GPX5: variants seen among roughly 807,000 people sequenced by gnomAD.
GPX5 encodes epididymal secretory glutathione peroxidase.
In GPX5, 20 loss-of-function variants were observed where a neutral mutation model predicts 23.8. The observed-to-expected ratio is 0.84, with a 90% CI of 0.59 to 1.22. The LOEUF (loss-of-function observed/expected upper bound fraction) is 1.22, where lower values mean the gene tolerates loss of function less well. GPX5 is among the 50% of genes most tolerant of loss of function. The probability of loss-of-function intolerance (pLI) is 0.00; values close to 1 mark genes in which losing one functional copy is unlikely to be tolerated. For synonymous variants in GPX5, 92 were observed against 99.5 expected (o/e 0.92, Z 0.45); for missense variants, 230 against 266.6 (o/e 0.86, Z 0.96).
chr6:28,528,850 T>C (rs1562009116), intron 1 of GPX5, among the ~76,000 whole-genome samples: 1 of 14,014 alleles, frequency 7.1e-5, no homozygotes, highest in Non-Finnish European at 1.2e-4. Flanking sequence ...TATATATATA[T>C]ATATATATAT....
chr6:28,526,400 G>A (rs1307872180), intron 1 of GPX5, among the ~76,000 whole-genome samples: 3 of 152,202 alleles, frequency 2.0e-5, no homozygotes, highest in Non-Finnish European at 4.4e-5. Flanking sequence ...CTTCAGAGCT[G>A]GGTCTGAGGC....
At chr6:28,531,470 C>T (rs1283920395) in intron 2 of GPX5, among the ~76,000 whole-genome samples, 1 of 151,398 alleles carries the variant, frequency 6.6e-6, no homozygotes, top group Non-Finnish European at 1.5e-5. Context: ...GACTAAGCCC[C>T]ATTTCAGAGG....
rs1250925955 is a variant in GPX5 at position 28,532,420 on chromosome 6, G to A, written c.459G>A (p.Lys153=). Residue 153 remains lysine (K), a splice_region_variant and synonymous_variant, in exon 4 of 5, where the codon AAG becomes AAA. Transcript: ENST00000412168. ...EKEQKVFSFL[K]HSCPHPSEIL... is the part of the protein sequence containing the mutation. ...AACAGAAAGTCTTCAGTTTCTTGAA[G>A]GTGAGTAAATTCCTGGCATAAGCCT... 6.4e-7 allele frequency: 1 copy of A among 1,566,270 alleles called. No individual in the cohort carries two copies. The highest frequency in any genetic ancestry group is 8.7e-7 in the Non-Finnish European group (1 of 1,152,038).
intron 4 of GPX5, among the ~76,000 whole-genome samples, chr6:28,532,726 C>A (rs1451150643): frequency 6.6e-6 from 1 of 152,152 alleles, no homozygotes; most frequent in Non-Finnish European, 1.5e-5. Context: ...TGAATGCCCG[C>A]TACTTATAAA....
rs1051520400 is a variant in GPX5 at position 28,525,957 on chromosome 6, C to T, written c.-57C>T. The T allele has an allele frequency of 3.1e-6, 4 of 1,273,290 alleles. No individual in the cohort carries two copies. The African/African-American group carries it at 5.8e-5, about 19-fold the overall frequency. The allele number at this position is 1,273,290 out of a possible 1,614,324, so 78.9% of individuals were successfully genotyped here. A position where few individuals can be genotyped will look rare whatever the true frequency, so the allele number is the denominator to read the frequency against. ...AAGTCCCTGCCAAGATACCAAAAGA[C>T]TGCAGAGGTGGGCAAAGACCTCAGG... On this transcript the variant is annotated 5_prime_UTR_variant, in exon 1 of 5. Coordinates refer to ENST00000412168, the MANE Select transcript of GPX5 (RefSeq NM_001509.3).
rs1433825143 is a variant in GPX5, at chr6:28,529,597, A to G, written c.234A>G (p.Gln78=). The G allele has an allele frequency of 1.2e-5, 19 of 1,604,612 alleles. No homozygotes were observed. The African/African-American group carries it at 1.2e-4, about 10-fold the overall frequency. Residue 78 remains glutamine (Q), a synonymous_variant, in exon 2 of 5, where the codon CAA becomes CAG. Transcript: ENST00000412168. The part of the protein sequence containing the change: ...NVATYCGLTA[Q]YPELNALQEE... ...CCACCTACTGTGGTCTGACAGCGCA[A>G]TATCCTGGTAAGAGAATTCATAGTT...
At position 28,534,092 on chromosome 6, in the gene GPX5, C is replaced by T. The variant is rs140888955; in HGVS notation, c.591C>T (p.Arg197=). Residue 197 remains arginine (R), a synonymous_variant, in exon 5 of 5, where the codon CGC becomes CGT. Coordinates refer to ENST00000412168, the MANE Select transcript of GPX5 (RefSeq NM_001509.3). ...GGCCTGATGGAATCCCTGTCATGCG[C>T]TGGTCCCACCGGGCTACGGTCAGCT... The part of the protein sequence containing the change: ...LVGPDGIPVM[R]WSHRATVSSV... 1.7e-4 allele frequency: 279 copies of T among 1,612,258 alleles called. 1 individual carries two copies. The highest frequency in any genetic ancestry group is 5.3e-4 in the African/African-American group (40 of 74,896).
rs796114626 is a variant in GPX5 at position 28,528,841 on chromosome 6, A to G, written c.88-610A>G. ...TATATATATATATATATATATATATATATATATATATATATATATATATAT... is the reference window on the plus strand; with the variant it reads ...TATATATATATATATATATATATATGTATATATATATATATATATATATAT... On this transcript the variant is annotated intron_variant, in intron 1 of 4. Coordinates refer to ENST00000412168, the MANE Select transcript of GPX5 (RefSeq NM_001509.3). 0.025 allele frequency among the ~76,000 whole-genome samples: 32 copies of G among 1,282 alleles called. 1 individual carries two copies. The South Asian group carries it at 0.28, about 11-fold the overall frequency. 0.8% of individuals were successfully genotyped at this position (1,282 alleles called of 152,430 possible). A position where few individuals can be genotyped will look rare whatever the true frequency, so the allele number is the denominator to read the frequency against.
intron 1 of GPX5, among the ~76,000 whole-genome samples, chr6:28,526,591 A>G (rs1261179325): frequency 6.6e-6 from 1 of 152,042 alleles, no homozygotes; most frequent in Non-Finnish European, 1.5e-5. Context: ...GAAAAAAAAA[A>G]TCAGAGCCCT....
intron 4 of GPX5, among the ~76,000 whole-genome samples, chr6:28,533,533 T>C (rs1181130773): frequency 2.0e-5 from 3 of 152,208 alleles, no homozygotes; most frequent in African/African-American, 7.2e-5. Context: ...GACAAAATGA[T>C]GGTGTTTTAA....
chr6:28,532,203 C>T, intron 3 of GPX5, 118 bp from the exon 4 acceptor site: 1 of 686,792 alleles, frequency 1.5e-6, no homozygotes, highest in Non-Finnish European at 2.5e-6. Context: ...TATTCCTCCC[C>T]ACCCACAACG....
At chr6:28,530,488 C>A (rs1002251123) in intron 2 of GPX5, among the ~76,000 whole-genome samples, 1 of 152,206 alleles carries the variant, frequency 6.6e-6, no homozygotes, top group Non-Finnish European at 1.5e-5. Flanking sequence ...AAGGTTTCCA[C>A]CTTCTTCCCC....
chr6:28,529,714 C>A, intron 2 of GPX5, 110 bp downstream of exon 2: 1 of 901,870 alleles, frequency 1.1e-6, no homozygotes, highest in Non-Finnish European at 1.6e-6. Context: ...AAAATAAATA[C>A]TCATAATCAA....
At chr6:28,529,155 T>C (rs1763265627) in intron 1 of GPX5, among the ~76,000 whole-genome samples, 1 of 151,848 alleles carries the variant, frequency 6.6e-6, no homozygotes, top group Non-Finnish European at 1.5e-5. Flanking sequence ...TTTCCCAGCC[T>C]CTGGTAACCA....
chr6:28,529,951 T>C (rs1227798834), intron 2 of GPX5: 1 of 183,372 alleles, frequency 5.5e-6, no homozygotes, highest in African/African-American at 2.3e-5. Context: ...TCTGGCCCTT[T>C]ACAGAAAAAA....
intron 4 of GPX5, 43 bp downstream of exon 4, chr6:28,532,463 T>C (rs1480083239): frequency 2.4e-6 from 3 of 1,237,280 alleles, no homozygotes; most frequent in Non-Finnish European, 3.5e-6. Flanking sequence ...TTTTCTAATA[T>C]TGCTAACATA....
chr6:28,529,326 TAGACAA>T lies in GPX5; in HGVS notation c.88-124_88-119del, dbSNP rs1160467659. 1.9e-5 allele frequency: 13 copies of T among 673,194 alleles called. No individual in the cohort carries two copies. The African/African-American group carries it at 2.2e-4, about 11-fold the overall frequency. 41.7% of individuals were successfully genotyped at this position (673,194 alleles called of 1,614,324 possible). A position where few individuals can be genotyped will look rare whatever the true frequency, so the allele number is the denominator to read the frequency against. ...AGTTTCAGTCTTGTCATTGACACTTTAGACAACTCTTATTTGTTTTCTAGATCTTGG... is the reference window on the plus strand; with the variant it reads ...AGTTTCAGTCTTGTCATTGACACTTTCTCTTATTTGTTTTCTAGATCTTGG... On this transcript the variant is annotated intron_variant, in intron 1 of 4. Transcript: ENST00000412168.
In GPX5 at chr6:28,525,908, G is replaced by A; in HGVS notation, c.-106G>A. On this transcript the variant is annotated 5_prime_UTR_variant, in exon 1 of 5. Transcript: ENST00000412168. ...GCGTCGGGAATCCTTGCAGCCCTGT[G>A]ACTGGCCTGTGGGGGCTTGGGCTAA... The A allele has an allele frequency of 1.2e-6, 1 of 808,168 alleles. No homozygotes were observed. The highest frequency in any genetic ancestry group is 2.2e-6 in the Non-Finnish European group (1 of 464,908). 50.1% of individuals were successfully genotyped at this position (808,168 alleles called of 1,614,324 possible).
intron 1 of GPX5, chr6:28,528,754 G>A (rs1199563048): frequency 6.7e-6 from 1 of 149,602 alleles, no homozygotes; most frequent in Non-Finnish European, 1.5e-5. Flanking sequence ...ATGTGTGTGT[G>A]TGGAGGGGGG....
Sources: allele counts gnomAD v4.1 joint callset (sites outside exome capture counted in the v4.1 genomes callset), GRCh38; gene constraint gnomAD v4.1.1; transcripts MANE v1.5; gene names NCBI Gene and HGNC (gene_info 2026-07-23, HGNC 2026-07-21).